Variants in PACRGL observed in about 807,000 individuals in gnomAD.
The protein encoded by PACRGL is PACRG-like protein.
A neutral mutation model predicts 34.5 loss-of-function variants in PACRGL; 38 were observed. The observed-to-expected ratio is 1.10, with a 90% CI of 0.85 to 1.44. PACRGL has a LOEUF of 1.44. PACRGL is among the 40% of genes most tolerant of loss of function. PACRGL has a pLI of 0.00. For synonymous variants in PACRGL, 128 were observed against 100.1 expected, an observed-to-expected ratio of 1.28 and a Z score of -1.66; for missense variants, 305 against 281.4, an observed-to-expected ratio of 1.08 and a Z score of -0.60.
At chr4:20,767,339 C>A in the PACRGL span, 2 of 152,074 alleles carry the variant, frequency 1.3e-5, no homozygotes, top group African/African-American at 4.8e-5. Context: ...AGAATAAAGG[C>A]CACCATCATG....
chr4:20,755,597 A>G (rs28714128), downstream of PACRGL, among the ~76,000 whole-genome samples: 51,822 of 151,982 alleles, frequency 0.34, 9,303 homozygotes, highest in African/African-American at 0.45. Context: ...AGAAACAACA[A>G]TGGTACAAGT....
At chr4:20,753,651 A>G (rs886225603), downstream of PACRGL, among the ~76,000 whole-genome samples, 4 of 152,202 alleles carry the variant, frequency 2.6e-5, no homozygotes, top group African/African-American at 9.6e-5. Context: ...TGAATATACA[A>G]TTCATGACAT....
chr4:20,731,014 A>AAAAAT lies in PACRGL; in HGVS notation c.*3677_*3681dup, dbSNP rs1210115221. On this transcript the variant is annotated 3_prime_UTR_variant, in exon 9 of 9. Transcript: ENST00000503585. ...TCCAGAAAAGTAAGAACAACAATTT[A>AAAAAT]AAAATAAAGAGAAAAACTAAAGAAA... Among the ~76,000 whole-genome samples the AAAAAT allele has an allele frequency of 6.6e-6, 1 of 152,220 alleles. No individual in the cohort carries two copies. Among genetic ancestry groups the AAAAAT allele is most frequent in the Non-Finnish European group, 1.5e-5 (1 of 68,038 alleles).
intron 8 of PACRGL, 64 bp downstream of exon 8, chr4:20,724,952 T>C (rs1359443591): frequency 1.9e-5 from 16 of 858,808 alleles, no homozygotes; most frequent in Non-Finnish European, 2.4e-5. Flanking sequence ...TAAATTGACA[T>C]ATATATATAT....
At chr4:20,710,531 G>A (rs28559315) in intron 5 of PACRGL, among the ~76,000 whole-genome samples, 49,473 of 151,722 alleles carry the variant, frequency 0.33, 8,464 homozygotes, top group African/African-American at 0.43. Flanking sequence ...TAGTAATAAA[G>A]CACCTGAGTT....
Position 20,700,617 on chromosome 4 carries a change from G to A in PACRGL, c.-187G>A, listed in dbSNP as rs1478296296. On this transcript the variant is annotated 5_prime_UTR_variant, in exon 1 of 9. Transcript: ENST00000503585. ...CCCGGAGCCGTGAACCGCGGGTACA[G>A]GTGTCCTGTCTGCGCTCTCTGCCAA... The A allele has an allele frequency of 6.6e-6, 1 of 152,170 alleles. No individual in the cohort carries two copies. The highest frequency in any genetic ancestry group is 2.4e-5 in the African/African-American group (1 of 41,428). 9.4% of individuals were successfully genotyped at this position (152,170 alleles called of 1,614,324 possible). A position where few individuals can be genotyped will look rare whatever the true frequency, so the allele number is the denominator to read the frequency against.
At chr4:20,715,282 A>G (rs9991750) in intron 7 of PACRGL, among the ~76,000 whole-genome samples, 109,957 of 151,608 alleles carry the variant, frequency 0.73, 40,070 homozygotes, top group African/African-American at 0.81. Context: ...GTGGGGTGGG[A>G]GTAGTGGGGA....
chr4:20,702,721 A>G (rs988111164), intron 1 of PACRGL: 1 of 152,604 alleles, frequency 6.6e-6, no homozygotes, highest in Non-Finnish European at 1.5e-5. Flanking sequence ...TACTTGTTGA[A>G]TGATCACAGA....
chr4:20,755,057 CATT>C (rs749099759), downstream of PACRGL, among the ~76,000 whole-genome samples: 18 of 152,084 alleles, frequency 1.2e-4, no homozygotes, highest in Non-Finnish European at 1.9e-4. Context: ...ACAGTGAACT[CATT>C]ATAATCCTGG....
In PACRGL at chr4:20,713,494, T is replaced by G; in HGVS notation, c.564T>G (p.Val188=). 1 of 1,613,792 alleles carries G rather than the reference T, an allele frequency of 6.2e-7. No individual in the cohort carries two copies. Among genetic ancestry groups the G allele is most frequent in the East Asian group, 2.2e-5 (1 of 44,852 alleles). ...GLNALVQLSV[V]VGPSLNDHLK... ...ATGCTCTAGTTCAGCTAAGTGTCGT[T>G]GTTGGTCCTTCTCTAAACGACCATC... Residue 188 remains valine, a synonymous_variant, in exon 7 of 9, where the codon GTT becomes GTG. Transcript: ENST00000503585.
intron 8 of PACRGL, among the ~76,000 whole-genome samples, chr4:20,727,074 A>C (rs181125570): frequency 1.2e-4 from 19 of 152,302 alleles, no homozygotes; most frequent in African/African-American, 4.6e-4. Context: ...CTGGCTTCTA[A>C]CTACTTCTCT....
intron 8 of PACRGL, among the ~76,000 whole-genome samples, chr4:20,743,603 T>G (rs1751698640): frequency 1.3e-5 from 2 of 152,098 alleles, no homozygotes; most frequent in African/African-American, 2.4e-5. Flanking sequence ...TCCTTACACT[T>G]TATACAAAAA....
intron 3 of PACRGL, 98 bp from the exon 4 acceptor site, chr4:20,707,705 C>T (rs1430436776): frequency 2.3e-5 from 21 of 900,780 alleles, no homozygotes; most frequent in East Asian, 2.3e-4. Context: ...AGAAACGGTG[C>T]GCTTCGATAC....
intron 8 of PACRGL, among the ~76,000 whole-genome samples, chr4:20,740,487 G>GA (rs957009367): frequency 6.6e-6 from 1 of 152,136 alleles, no homozygotes; most frequent in Non-Finnish European, 1.5e-5. Context: ...CTTCATAAGT[G>GA]AAGGAGAAAT....
intron 8 of PACRGL, among the ~76,000 whole-genome samples, chr4:20,749,928 AG>A (rs1241194175): frequency 6.6e-6 from 1 of 152,190 alleles, no homozygotes; most frequent in Non-Finnish European, 1.5e-5. Flanking sequence ...ACCTACATAG[AG>A]GCCATTGGTG....
At chr4:20,748,441 A>G (rs981120724) in intron 8 of PACRGL, among the ~76,000 whole-genome samples, 3 of 151,310 alleles carry the variant, frequency 2.0e-5, no homozygotes, top group African/African-American at 7.3e-5. Flanking sequence ...TGCCAGTACC[A>G]TTTCCTTGCT....
At chr4:20,736,554 C>A (rs1416479785), downstream of PACRGL, among the ~76,000 whole-genome samples, 2 of 151,990 alleles carry the variant, frequency 1.3e-5, no homozygotes, top group Non-Finnish European at 2.9e-5. Context: ...TTAATTTTAC[C>A]TTTTTTTCTA....
intron 8 of PACRGL, among the ~76,000 whole-genome samples, chr4:20,748,153 A>G (rs1391563205): frequency 2.0e-5 from 3 of 152,044 alleles, no homozygotes; most frequent in Non-Finnish European, 4.4e-5. Context: ...CTCATCTCCT[A>G]CAAGATAGTC....
At position 20,724,168 on chromosome 4, in the gene PACRGL, C is replaced by T. The variant is rs183023429; in HGVS notation, c.610-640C>T. The stretch of plus-strand genomic sequence containing the variant: ...GGGACTTTAAAGAGGGAATAAATCA[C>T]CTGAAAATCTTGCTTAAAAATGTAG... On this transcript the variant is annotated intron_variant, in intron 7 of 8. Coordinates refer to ENST00000503585, the MANE Select transcript of PACRGL (RefSeq NM_001258345.3). Among the ~76,000 whole-genome samples, 446 of 152,270 alleles carry T rather than the reference C, an allele frequency of 2.9e-3. 6 individuals are homozygous for T. The highest frequency in any genetic ancestry group is 0.027 in the Admixed American group (412 of 15,290).
Sources: gnomAD v4.1 joint callset for allele counts (sites outside exome capture counted in the v4.1 genomes callset) on GRCh38, gnomAD v4.1.1 for gene constraint, MANE v1.5 for transcripts, NCBI Gene and HGNC (gene_info 2026-07-23, HGNC 2026-07-21) for gene names.